The following SRCIN1 variants were observed in gnomAD, a reference collection of about 807,000 sequenced individuals.
SRCIN1 encodes SRC kinase signaling inhibitor 1, also known as P130Cas-associated protein.
Under a neutral mutation model 116.2 loss-of-function variants are expected in SRCIN1, and 50 were observed. That is an observed-to-expected ratio of 0.43 (90% CI 0.34 to 0.54). The LOEUF is 0.54. Among genes scored for constraint, SRCIN1 ranks in the 20% least tolerant of loss-of-function variants. The pLI is 0.02. For synonymous variants in SRCIN1, 736 were observed against 750.0 expected (o/e 0.98, Z 0.30); for missense variants, 1,446 against 1,672.0 (o/e 0.86, Z 2.36).
intron 2 of SRCIN1, 28 bp downstream of exon 2, chr17:38,578,462 C>T (rs1260066452): frequency 6.5e-7 from 1 of 1,546,944 alleles, no homozygotes; most frequent in East Asian, 2.3e-5. Flanking sequence ...GCGGCCGCAG[C>T]CGCAGCCGCA....
chr17:38,590,710 G>C (rs1032588790), intron 1 of SRCIN1, among the ~76,000 whole-genome samples: 1 of 151,612 alleles, frequency 6.6e-6, no homozygotes, highest in Admixed American at 6.6e-5. Context: ...GTTGATAAGT[G>C]GAAGAGGCTG....
At chr17:38,551,784 G>T (rs1404658065) in intron 14 of SRCIN1, 102 bp downstream of exon 14, 11 of 1,592,392 alleles carry the variant, frequency 6.9e-6, no homozygotes, top group Non-Finnish European at 8.5e-6. Flanking sequence ...CTCCCCCAAG[G>T]AAAAAGACCC....
In SRCIN1 at chr17:38,559,712, G is replaced by A; in HGVS notation, c.1898C>T (p.Ser633Leu). The A allele has an allele frequency of 1.3e-6, 2 of 1,577,250 alleles. No homozygotes were observed. The highest frequency in any genetic ancestry group is 2.3e-5 in the East Asian group (1 of 43,858). The change falls in exon 10 of 19, where the codon TCG becomes TTG. Residue 633 changes from serine (S) to leucine (L), a missense_variant. Coordinates refer to ENST00000617146, the MANE Select transcript of SRCIN1 (RefSeq NM_025248.3). ...ATPVSGPPPP[S>L]ASSTPAGQPT... ...CTGACCTGCGGGGGTGCTGCTGGCC[G>A]AGGGCGGGGGCGGGCCGGACACCGG...
intron 3 of SRCIN1, among the ~76,000 whole-genome samples, chr17:38,566,740 G>A (rs1302543527): frequency 6.6e-6 from 1 of 152,230 alleles, no homozygotes; most frequent in Non-Finnish European, 1.5e-5. Flanking sequence ...TTCTAGGTTT[G>A]AGAATCAAGG....
In SRCIN1 at chr17:38,563,984, G is replaced by A; in HGVS notation, c.541+134C>T. On this transcript the variant is annotated intron_variant, in intron 4 of 18. Transcript: ENST00000617146. The surrounding 1 kb of genome is among the most constrained non-coding windows in gnomAD (Gnocchi z 5.8). Reference sequence around the variant, plus strand: ...GATGGAGAGAGCTGGGGTTGCTTGGGGAGAAGGGGCTGTGGGAAAGAGAGC... The same window carrying A: ...GATGGAGAGAGCTGGGGTTGCTTGGAGAGAAGGGGCTGTGGGAAAGAGAGC... The A allele has an allele frequency of 9.7e-7, 1 of 1,027,746 alleles. No individual in the cohort carries two copies. Among genetic ancestry groups the A allele is most frequent in the Admixed American group, 2.2e-5 (1 of 44,698 alleles). The allele number at this position is 1,027,746 out of a possible 1,614,324, so 63.7% of individuals were successfully genotyped here.
intron 11 of SRCIN1, among the ~76,000 whole-genome samples, chr17:38,557,374 A>C (rs769489425): frequency 6.6e-6 from 1 of 152,258 alleles, no homozygotes; most frequent in Non-Finnish European, 1.5e-5. Context: ...TGGGGCACAG[A>C]GAGGGGCAGG....
At position 38,562,851 on chromosome 17, in the gene SRCIN1, T is replaced by A; in HGVS notation, c.810A>T (p.Ser270=). ...CCCGGAGGTCCCCGTTGGTGAGATG[T>A]GAGCCAGGGAAGGCAGCGTAGAGGG... The part of the protein sequence containing the change: ...KEPLYAAFPG[S]HLTNGDLRRE... Residue 270 remains serine, a synonymous_variant, in exon 6 of 19, where the codon TCA becomes TCT. Transcript: ENST00000617146. The surrounding 1 kb of genome is among the most constrained non-coding windows in gnomAD (Gnocchi z 4.2). 2 of 1,613,778 alleles carry A rather than the reference T, an allele frequency of 1.2e-6. No individual in the cohort carries two copies. Among genetic ancestry groups the A allele is most frequent in the South Asian group, 2.2e-5 (2 of 91,046 alleles).
intron 2 of SRCIN1, chr17:38,574,807 A>T: frequency 2.5e-6 from 1 of 400,510 alleles, no homozygotes; most frequent in Non-Finnish European, 4.4e-6. Flanking sequence ...CCCTCCAAAA[A>T]AAAAAAATCC....
chr17:38,603,502 A>C (rs970914975), intron 1 of SRCIN1, among the ~76,000 whole-genome samples: 1 of 152,182 alleles, frequency 6.6e-6, no homozygotes, highest in Admixed American at 6.5e-5. Flanking sequence ...TTCCAGATAG[A>C]GCTCCAGGGC....
intron 1 of SRCIN1, among the ~76,000 whole-genome samples, chr17:38,580,114 G>A (rs936890241): frequency 1.2e-4 from 18 of 152,138 alleles, no homozygotes; most frequent in African/African-American, 3.6e-4. Flanking sequence ...AACAGGGGAC[G>A]CGGCTGGAAA....
rs1209313359 is a variant in SRCIN1, at chr17:38,561,663, G to A, written c.1500C>T (p.Ser500=). 6 of 1,558,058 alleles carry A rather than the reference G, an allele frequency of 3.9e-6. No homozygotes were observed. Among genetic ancestry groups the A allele is most frequent in the African/African-American group, 2.8e-5 (2 of 71,886 alleles). The change falls in exon 7 of 19, where the codon AGC becomes AGT. Residue 500 remains serine (S), a synonymous_variant. Coordinates refer to ENST00000617146, the MANE Select transcript of SRCIN1 (RefSeq NM_025248.3). ...AGGACTGGCGCACTGGCGAGCCGCG[G>A]CTGGGCGGCCCCGAGTAGGGGCTGT... ...PPHSPYSGPP[S]RGSPVRQSFR... is the part of the protein sequence containing the mutation.
chr17:38,605,597 G>T, intron 1 of SRCIN1, 87 bp downstream of exon 1: 2 of 1,153,348 alleles, frequency 1.7e-6, no homozygotes, highest in South Asian at 1.7e-5. Flanking sequence ...CCCGCCCCCG[G>T]CCGAGGGGGA....
intron 1 of SRCIN1, among the ~76,000 whole-genome samples, chr17:38,597,658 C>A (rs1908794143): frequency 6.6e-6 from 1 of 152,180 alleles, no homozygotes; most frequent in South Asian, 2.1e-4. Context: ...GCGATTGCAG[C>A]CCAGAGCTGT....
intron 14 of SRCIN1, 84 bp from the exon 15 acceptor site, chr17:38,551,473 G>A (rs1022975598): frequency 2.1e-5 from 25 of 1,181,580 alleles, no homozygotes; most frequent in African/African-American, 1.5e-4. Flanking sequence ...CCCAAGCCAC[G>A]TAGGCAAGGA....
chr17:38,552,597 G>A lies in SRCIN1; in HGVS notation c.2333-3C>T, dbSNP rs1261950880. 6.2e-7 allele frequency: 1 copy of A among 1,612,302 alleles called. No individual in the cohort carries two copies. Among genetic ancestry groups the A allele is most frequent in the Non-Finnish European group, 8.5e-7 (1 of 1,179,644 alleles). ...GCTCTGCAGGCCCGGGAAGTGAGCTGAGGAGACAGGAAGGCATGAGCTGGG... is the reference window on the plus strand; with the variant it reads ...GCTCTGCAGGCCCGGGAAGTGAGCTAAGGAGACAGGAAGGCATGAGCTGGG... On this transcript the variant is annotated splice_polypyrimidine_tract_variant and splice_region_variant and intron_variant, in intron 12 of 18. Transcript: ENST00000617146. The surrounding 1 kb of genome is among the most constrained non-coding windows in gnomAD (Gnocchi z 5.3).
chr17:38,573,010 G>A (rs769573295), intron 2 of SRCIN1, among the ~76,000 whole-genome samples: 4 of 152,010 alleles, frequency 2.6e-5, no homozygotes, highest in African/African-American at 4.8e-5. Flanking sequence ...GCGGTCACCC[G>A]ATACGCCGGC....
In SRCIN1 at chr17:38,548,718, C is replaced by A; in HGVS notation, c.3118-9G>T. ...TCCTCGGACTCAGCCTTCTGCAAGG[C>A]CCGGGACTCCTGTCAAGGCCAGGCT... On this transcript the variant is annotated splice_polypyrimidine_tract_variant and intron_variant, in intron 16 of 18. Transcript: ENST00000617146. 6.3e-7 allele frequency: 1 copy of A among 1,582,146 alleles called. No homozygotes were observed. Among genetic ancestry groups the A allele is most frequent in the South Asian group, 1.2e-5 (1 of 85,972 alleles).
At chr17:38,539,645 G>A (rs1904605428) in intron 18 of SRCIN1, among the ~76,000 whole-genome samples, 2 of 152,146 alleles carry the variant, frequency 1.3e-5, no homozygotes, top group African/African-American at 2.4e-5. Context: ...CCTTCCCCCA[G>A]GGAGTCACAG....
chr17:38,600,774 A>G (rs1019050254), intron 1 of SRCIN1, among the ~76,000 whole-genome samples: 8 of 152,208 alleles, frequency 5.3e-5, no homozygotes, highest in African/African-American at 4.8e-5. Context: ...TTCACCCACC[A>G]CTTGGCTTCT....
Sources: gnomAD v4.1 joint callset for allele counts (sites outside exome capture counted in the v4.1 genomes callset) on GRCh38, gnomAD v4.1.1 for gene constraint, Gnocchi (gnomAD v3.1) non-coding constraint, MANE v1.5 for transcripts, NCBI Gene and HGNC (gene_info 2026-07-23, HGNC 2026-07-21) for gene names.